The following ATF2 variants were observed in gnomAD, a reference collection of about 807,000 sequenced individuals.
ATF2 encodes cyclic AMP-dependent transcription factor ATF-2.
Under a neutral mutation model 60.6 loss-of-function variants are expected in ATF2, and 24 were observed. The ratio of observed to expected loss-of-function variants is 0.40; its 90% confidence interval spans 0.29 to 0.56. The LOEUF (loss-of-function observed/expected upper bound fraction) is 0.56. Among genes scored for constraint, ATF2 ranks in the 20% least tolerant of loss-of-function variants. ATF2 has a pLI of 0.54. For missense variants in ATF2, 433 were observed against 607.7 expected (o/e 0.71, Z 3.02); for synonymous variants, 206 against 215.4 (o/e 0.96, Z 0.38).
intron 7 of ATF2, among the ~76,000 whole-genome samples, chr2:175,117,185 GAGA>G (rs975028777): frequency 1.5e-4 from 23 of 151,190 alleles, no homozygotes; most frequent in African/African-American, 5.1e-4. Flanking sequence ...TGTATTCTTA[GAGA>G]AGAAGAATGA....
At chr2:175,163,537 G>A (rs1323859511) in intron 1 of ATF2, among the ~76,000 whole-genome samples, 2 of 151,864 alleles carry the variant, frequency 1.3e-5, no homozygotes, top group Non-Finnish European at 2.9e-5. Flanking sequence ...TCTTTGTTAA[G>A]ATACAGAATG....
At chr2:175,135,006 T>TAAAA (rs60122560) in intron 3 of ATF2, among the ~76,000 whole-genome samples, 1 of 85,780 alleles carries the variant, frequency 1.2e-5, no homozygotes, top group Non-Finnish European at 2.3e-5. Flanking sequence ...CCCATCTCTT[T>TAAAA]AAAAAAAAAA....
intron 12 of ATF2, among the ~76,000 whole-genome samples, chr2:175,087,861 T>C (rs1230477805): frequency 6.6e-6 from 1 of 152,174 alleles, no homozygotes; most frequent in Non-Finnish European, 1.5e-5. Flanking sequence ...GGAAACACTT[T>C]GCAAAATGAA....
intron 1 of ATF2, among the ~76,000 whole-genome samples, chr2:175,157,748 A>T (rs1699772920): frequency 6.6e-6 from 1 of 152,140 alleles, no homozygotes; most frequent in South Asian, 2.1e-4. Flanking sequence ...TAATCCCAGC[A>T]CTTTGGGAGG....
intron 2 of ATF2, among the ~76,000 whole-genome samples, chr2:175,142,737 G>A (rs996061106): frequency 1.3e-5 from 2 of 151,716 alleles, no homozygotes; most frequent in South Asian, 2.1e-4. Flanking sequence ...GTGTGTGTGT[G>A]TGTGTGTGTG....
chr2:175,158,174 G>A (rs904703769), intron 1 of ATF2, among the ~76,000 whole-genome samples: 1 of 151,600 alleles, frequency 6.6e-6, no homozygotes, highest in Admixed American at 6.6e-5. Flanking sequence ...TTGAAAACCT[G>A]CAGCCACGAC....
intron 12 of ATF2, among the ~76,000 whole-genome samples, chr2:175,091,421 A>C (rs1378039148): frequency 6.6e-6 from 1 of 152,212 alleles, no homozygotes; most frequent in East Asian, 1.9e-4. Flanking sequence ...AATATTTGAA[A>C]ATTTAAATAA....
At position 175,074,595 on chromosome 2, in the gene ATF2, C is replaced by G; in HGVS notation, c.*14G>C. The G allele has an allele frequency of 6.2e-7, 1 of 1,604,514 alleles. No homozygotes were observed. Among genetic ancestry groups the G allele is most frequent in the Non-Finnish European group, 8.5e-7 (1 of 1,174,910 alleles). On this transcript the variant is annotated 3_prime_UTR_variant, in exon 14 of 14. Transcript: ENST00000264110. ...CTAATGAGTATCTAAAACTGTTGTA[C>G]TGCAGGTTTTTAATCAACTTCCTGA... is the stretch of plus-strand genomic sequence containing the variant.
intron 11 of ATF2, 57 bp from the exon 12 acceptor site, chr2:175,093,324 T>A: frequency 1.3e-6 from 2 of 1,547,734 alleles, no homozygotes; most frequent in Non-Finnish European, 1.8e-6. Context: ...TGAATTAACA[T>A]AGGCAGTAAA....
chr2:175,092,962 A>G, intron 12 of ATF2, 99 bp downstream of exon 12: 1 of 1,232,850 alleles, frequency 8.1e-7, no homozygotes, highest in Admixed American at 2.1e-5. Flanking sequence ...ACCCAATATC[A>G]TGTCCTAAAA....
chr2:175,156,190 G>A (rs1343381002), intron 1 of ATF2, among the ~76,000 whole-genome samples: 1 of 151,910 alleles, frequency 6.6e-6, no homozygotes, highest in Non-Finnish European at 1.5e-5. Context: ...GGCCAACATG[G>A]TGAAACCCCA....
chr2:175,114,111 A>G lies in ATF2; in HGVS notation c.627-3T>C, dbSNP rs1274321688. ...GAGGAAATGGGCCTGGTACAGGGCT[A>G]AGAAAAACAAAAGAAGAGAAATTTT... On this transcript the variant is annotated splice_region_variant and splice_polypyrimidine_tract_variant and intron_variant, in intron 8 of 13. Transcript: ENST00000264110. The G allele has an allele frequency of 6.4e-7, 1 of 1,570,662 alleles. No individual in the cohort carries two copies. The highest frequency in any genetic ancestry group is 2.3e-5 in the East Asian group (1 of 44,328).
intron 1 of ATF2, chr2:175,167,552 C>A: frequency 2.2e-6 from 1 of 452,734 alleles, no homozygotes; most frequent in Non-Finnish European, 4.7e-6. Flanking sequence ...CTCCCCGCCA[C>A]CATCACCAAT....
chr2:175,108,473 C>A (rs1228603198), intron 10 of ATF2, among the ~76,000 whole-genome samples: 1 of 148,152 alleles, frequency 6.7e-6, no homozygotes, highest in Non-Finnish European at 1.5e-5. Flanking sequence ...GGGGGGTCAG[C>A]CCCCGCCCGG....
intron 12 of ATF2, among the ~76,000 whole-genome samples, chr2:175,086,674 G>C (rs1694191351): frequency 6.6e-6 from 1 of 152,032 alleles, no homozygotes; most frequent in Non-Finnish European, 1.5e-5. Flanking sequence ...CTCCCAAAGT[G>C]CTGGAATTAC....
Position 175,151,746 on chromosome 2 carries a change from C to T in ATF2, c.-142-588G>A, listed in dbSNP as rs1398192906. ...GCTTAAATGATTCAGAAGTTTATTT[C>T]TTTCACAAAAAAACATAGGCAATCC... On this transcript the variant is annotated intron_variant, in intron 1 of 13. Coordinates refer to ENST00000264110, the MANE Select transcript of ATF2 (RefSeq NM_001880.4). Among the ~76,000 whole-genome samples, 14 of 152,202 alleles carry T rather than the reference C, an allele frequency of 9.2e-5. No individual in the cohort carries two copies. In the South Asian group the frequency reaches 1.0e-3, roughly 11 times the overall value.
intron 12 of ATF2, among the ~76,000 whole-genome samples, chr2:175,082,880 A>G (rs995291259): frequency 6.6e-6 from 1 of 152,220 alleles, no homozygotes; most frequent in Non-Finnish European, 1.5e-5. Flanking sequence ...TAGAATGCAT[A>G]GGAAAGCATT....
At chr2:175,143,844 G>A (rs1337721507) in intron 2 of ATF2, among the ~76,000 whole-genome samples, 4 of 152,106 alleles carry the variant, frequency 2.6e-5, no homozygotes, top group Non-Finnish European at 5.9e-5. Flanking sequence ...CCAGGCTGGA[G>A]TGCAGTGGCA....
At chr2:175,082,732 G>A (rs2105545684) in intron 12 of ATF2, among the ~76,000 whole-genome samples, 1 of 152,230 alleles carries the variant, frequency 6.6e-6, no homozygotes, top group Middle Eastern at 3.4e-3. Flanking sequence ...ACATTAGTTT[G>A]AACCATATGA....
Sources: gnomAD v4.1 joint callset for allele counts (sites outside exome capture counted in the v4.1 genomes callset) on GRCh38, gnomAD v4.1.1 for gene constraint, MANE v1.5 for transcripts, NCBI Gene and HGNC (gene_info 2026-07-23, HGNC 2026-07-21) for gene names.